Variants in ENOX1 observed in about 807,000 individuals in gnomAD.
The protein encoded by ENOX1 is ecto-NOX disulfide-thiol exchanger 1.
A neutral mutation model predicts 82.5 loss-of-function variants in ENOX1; 42 were observed. The ratio of observed to expected loss-of-function variants is 0.51; its 90% confidence interval spans 0.40 to 0.66. The LOEUF is 0.66. Among genes scored for constraint, ENOX1 ranks in the 30% least tolerant of loss-of-function variants. The pLI, the probability that ENOX1 is intolerant of heterozygous loss-of-function variation, is 0.00. For synonymous variants in ENOX1, 271 were observed against 282.2 expected (o/e 0.96, Z 0.40); for missense variants, 608 against 811.6 (o/e 0.75, Z 3.05).
chr13:43,358,638 G>A (rs779904801), intron 7 of ENOX1, among the ~76,000 whole-genome samples: 19 of 152,142 alleles, frequency 1.2e-4, no homozygotes, highest in Admixed American at 7.2e-4. Flanking sequence ...CTATGTTGCA[G>A]GTGCCCTGCT....
chr13:43,365,164 G>A (rs952585038), intron 5 of ENOX1, among the ~76,000 whole-genome samples: 2 of 152,098 alleles, frequency 1.3e-5, no homozygotes, highest in Admixed American at 6.6e-5. Flanking sequence ...CTCCTTTTCT[G>A]CCCTTTCTAG....
At chr13:43,731,632 C>T (rs190587212) in intron 1 of ENOX1, among the ~76,000 whole-genome samples, 1 of 151,916 alleles carries the variant, frequency 6.6e-6, no homozygotes, top group Admixed American at 6.6e-5. Flanking sequence ...GAAGGTGTAA[C>T]TGCTTTTGGC....
chr13:43,762,562 G>A (rs1243968227), intron 1 of ENOX1, among the ~76,000 whole-genome samples: 1 of 152,150 alleles, frequency 6.6e-6, no homozygotes, highest in Non-Finnish European at 1.5e-5. Flanking sequence ...AGAAAGAAAT[G>A]GAGAAGCACA....
chr13:43,687,092 C>T (rs1281858864), intron 1 of ENOX1, among the ~76,000 whole-genome samples: 5 of 152,120 alleles, frequency 3.3e-5, no homozygotes, highest in Non-Finnish European at 7.4e-5. Context: ...GTACAAATTG[C>T]TAAATTACAA....
rs918640279 is a variant in ENOX1 at position 43,325,281 on chromosome 13, C to T, written c.1143+1138G>A. 3.3e-5 allele frequency among the ~76,000 whole-genome samples: 5 copies of T among 152,134 alleles called. No individual in the cohort carries two copies. The South Asian group carries it at 6.2e-4, about 19-fold the overall frequency. ...CAGAACTGTATCAGTCACCAACCAC[C>T]GTAGGCATTAGTGAACAAACTAAAA... On this transcript the variant is annotated intron_variant, in intron 10 of 16. Coordinates refer to ENST00000690772, the MANE Select transcript of ENOX1 (RefSeq NM_001347969.2).
At chr13:43,591,962 C>T (rs1392041864) in intron 2 of ENOX1, among the ~76,000 whole-genome samples, 4 of 151,766 alleles carry the variant, frequency 2.6e-5, no homozygotes, top group Non-Finnish European at 4.4e-5. Flanking sequence ...CACAGCAGCC[C>T]ACACACGACT....
chr13:43,681,832 C>T (rs1046389046), intron 1 of ENOX1, among the ~76,000 whole-genome samples: 1 of 152,030 alleles, frequency 6.6e-6, no homozygotes, highest in East Asian at 1.9e-4. Flanking sequence ...TTCTAATATA[C>T]AGACTTCAAA....
At chr13:43,537,674 T>C (rs2078524727) in intron 2 of ENOX1, among the ~76,000 whole-genome samples, 1 of 152,228 alleles carries the variant, frequency 6.6e-6, no homozygotes, top group South Asian at 2.1e-4. Flanking sequence ...AGTGAAATTA[T>C]AAAAGATCTT....
chr13:43,572,094 T>A (rs1566551903), intron 2 of ENOX1, among the ~76,000 whole-genome samples: 4 of 152,004 alleles, frequency 2.6e-5, no homozygotes, highest in Non-Finnish European at 1.5e-5. Context: ...TAAACAAAAA[T>A]ATATATATAC....
At chr13:43,533,913 T>G (rs1158440833) in intron 2 of ENOX1, among the ~76,000 whole-genome samples, 1 of 152,144 alleles carries the variant, frequency 6.6e-6, no homozygotes. Context: ...CTTGCCAGAA[T>G]GCTAAAGAGA....
At chr13:43,228,237 C>T (rs1407023037) in intron 15 of ENOX1, among the ~76,000 whole-genome samples, 1 of 151,268 alleles carries the variant, frequency 6.6e-6, no homozygotes, top group African/African-American at 2.4e-5. Flanking sequence ...TGGAATAGAC[C>T]TAAAGGCTTG....
intron 1 of ENOX1, among the ~76,000 whole-genome samples, chr13:43,729,245 A>C (rs931038917): frequency 1.3e-5 from 2 of 152,212 alleles, no homozygotes; most frequent in Admixed American, 1.3e-4. Flanking sequence ...TATAAGAGCT[A>C]AATAAGTATC....
chr13:43,621,146 G>A (rs945267289), intron 2 of ENOX1, among the ~76,000 whole-genome samples: 2 of 152,128 alleles, frequency 1.3e-5, no homozygotes, highest in African/African-American at 4.8e-5. Flanking sequence ...TATGTGCGAG[G>A]TGAGTCTCCT....
chr13:43,591,961 C>T (rs963447657), intron 2 of ENOX1, among the ~76,000 whole-genome samples: 2 of 151,828 alleles, frequency 1.3e-5, no homozygotes, highest in African/African-American at 2.4e-5. Flanking sequence ...TCACAGCAGC[C>T]CACACACGAC....
intron 2 of ENOX1, among the ~76,000 whole-genome samples, chr13:43,591,629 C>T (rs2081250002): frequency 6.6e-6 from 1 of 151,736 alleles, no homozygotes; most frequent in Non-Finnish European, 1.5e-5. Flanking sequence ...ATGTAAGTAC[C>T]TGTTACATGC....
chr13:43,575,476 A>T (rs1248174709), intron 2 of ENOX1, among the ~76,000 whole-genome samples: 1 of 152,204 alleles, frequency 6.6e-6, no homozygotes, highest in East Asian at 1.9e-4. Flanking sequence ...CACTCTGGGC[A>T]GAGGTAAGTG....
intron 15 of ENOX1, among the ~76,000 whole-genome samples, chr13:43,236,286 C>A (rs2042547147): frequency 6.6e-6 from 1 of 152,096 alleles, no homozygotes; most frequent in African/African-American, 2.4e-5. Context: ...TGCTCTTGAG[C>A]CTGGGGATAT....
chr13:43,746,301 T>C (rs372214735), intron 1 of ENOX1, among the ~76,000 whole-genome samples: 7 of 152,190 alleles, frequency 4.6e-5, no homozygotes, highest in Non-Finnish European at 8.8e-5. Context: ...TAACCTTGGA[T>C]TACATATGTC....
chr13:43,365,829 G>A (rs888561159), intron 5 of ENOX1, among the ~76,000 whole-genome samples: 8 of 152,184 alleles, frequency 5.3e-5, no homozygotes, highest in African/African-American at 1.2e-4. Context: ...CCTTCCTCCC[G>A]CCTGACGCCA....
Sources: gnomAD v4.1 joint callset for allele counts (sites outside exome capture counted in the v4.1 genomes callset) on GRCh38, gnomAD v4.1.1 for gene constraint, MANE v1.5 for transcripts, NCBI Gene and HGNC (gene_info 2026-07-23, HGNC 2026-07-21) for gene names.